Variants in LAMP1 observed in about 807,000 individuals in gnomAD.
LAMP1 encodes the protein lysosome associated membrane protein 1.
A neutral mutation model predicts 37.5 loss-of-function variants in LAMP1; 7 were observed. The observed-to-expected ratio is 0.19, with a 90% CI of 0.11 to 0.35. The LOEUF is 0.35. Among genes scored for constraint, LAMP1 ranks in the 10% least tolerant of loss-of-function variants. The pLI is 1.00. For synonymous variants in LAMP1, 236 were observed against 229.1 expected (o/e 1.03, Z -0.27); for missense variants, 537 against 552.8 (o/e 0.97, Z 0.29).
At chr13:113,314,310 T>G (rs1451354917) in intron 4 of LAMP1, among the ~76,000 whole-genome samples, 2 of 121,262 alleles carry the variant, frequency 1.6e-5, no homozygotes, top group Admixed American at 1.6e-4. Flanking sequence ...GCCTGGGGCG[T>G]GGCCTCCTGG....
At position 113,322,393 on chromosome 13, in the gene LAMP1, G is replaced by A; in HGVS notation, c.1226G>A (p.Arg409Lys). Residue 409 changes from arginine (R) to lysine (K), a missense_variant, in exon 9 of 9, where the codon AGG (arginine) becomes AAG (lysine). Arg to Lys is a conservative substitution (Grantham distance 26). Transcript: ENST00000332556. ...ATCGCCTACCTCGTCGGCAGGAAGA[G>A]GAGTCACGCAGGCTACCAGACTATC... Reference protein sequence around the residue: ...VLIAYLVGRKRSHAGYQTI With the variant: ...VLIAYLVGRKKSHAGYQTI 1 of 1,613,664 alleles carries A rather than the reference G, an allele frequency of 6.2e-7. No individual in the cohort carries two copies. Among genetic ancestry groups the A allele is most frequent in the Non-Finnish European group, 8.5e-7 (1 of 1,179,788 alleles).
In LAMP1 at chr13:113,297,849, G is replaced by A. The variant is rs1198253252; in HGVS notation, c.61+354G>A. 6.6e-6 allele frequency among the ~76,000 whole-genome samples: 1 copy of A among 152,186 alleles called. No homozygotes were observed. Among genetic ancestry groups the A allele is most frequent in the Non-Finnish European group, 1.5e-5 (1 of 68,036 alleles). On this transcript the variant is annotated intron_variant, in intron 1 of 8. Coordinates refer to ENST00000332556, the MANE Select transcript of LAMP1 (RefSeq NM_005561.4). The surrounding 1 kb of genome is among the most constrained non-coding windows in gnomAD (Gnocchi z 4.4). ...GTCGTTAAGTTTCCTGGCAAGTTGA[G>A]GCGGTGAGATCTAGACGAGGCTGCG...
rs754543420 is a variant in LAMP1 at position 113,309,881 on chromosome 13, C to A, written c.403+19C>A. 2.5e-6 allele frequency: 4 copies of A among 1,586,682 alleles called. No homozygotes were observed. In the African/African-American group the frequency reaches 5.4e-5, roughly 21 times the overall value. The stretch of plus-strand genomic sequence containing the variant: ...TCCAAAGGTAAGAACCAAAATGGGC[C>A]GATTATGAAGTGATAGAAAATTGGG... On this transcript the variant is annotated intron_variant, in intron 3 of 8. Transcript: ENST00000332556.
chr13:113,322,431 C>T lies in LAMP1; in HGVS notation c.*10C>T, dbSNP rs779861274. On this transcript the variant is annotated 3_prime_UTR_variant, in exon 9 of 9. Transcript: ENST00000332556. The stretch of plus-strand genomic sequence containing the variant: ...CTACCAGACTATCTAGCCTGGTGCA[C>T]GCAGGCACAGCAGCTGCAGGGGCCT... 5.0e-5 allele frequency: 80 copies of T among 1,600,806 alleles called. No homozygotes were observed. The highest frequency in any genetic ancestry group is 1.7e-4 in the Middle Eastern group (1 of 5,992).
chr13:113,311,434 G>A (rs1239132318), intron 4 of LAMP1, among the ~76,000 whole-genome samples: 3 of 152,238 alleles, frequency 2.0e-5, no homozygotes, highest in African/African-American at 7.2e-5. Context: ...GAAGGGCAAA[G>A]CAGTTGAAAC....
At chr13:113,308,324 CTTT>C (rs71101565) in intron 2 of LAMP1, among the ~76,000 whole-genome samples, 24 of 60,434 alleles carry the variant, frequency 4.0e-4, no homozygotes, top group Non-Finnish European at 5.8e-4. Context: ...CCTCCAAGCA[CTTT>C]TTTTTTTTTT....
intron 2 of LAMP1, among the ~76,000 whole-genome samples, chr13:113,308,579 C>T (rs1024657411): frequency 6.6e-6 from 1 of 152,066 alleles, no homozygotes; most frequent in African/African-American, 2.4e-5. Flanking sequence ...CCCACGTCGG[C>T]CTCCCCAAGT....
chr13:113,316,330 C>T (rs1304805898), intron 4 of LAMP1, among the ~76,000 whole-genome samples: 3 of 151,914 alleles, frequency 2.0e-5, no homozygotes, highest in Admixed American at 6.6e-5. Flanking sequence ...GATAGGTGCA[C>T]GCTTGTTGAA....
At chr13:113,309,444 C>T (rs2042617406) in intron 2 of LAMP1, among the ~76,000 whole-genome samples, 199 bp from the exon 3 acceptor site, 2 of 152,196 alleles carry the variant, frequency 1.3e-5, no homozygotes, top group African/African-American at 2.4e-5. Flanking sequence ...CTTTCTCTTA[C>T]ACCTGAAATA....
At chr13:113,315,171 C>G (rs537198614) in intron 4 of LAMP1, among the ~76,000 whole-genome samples, 1 of 142,414 alleles carries the variant, frequency 7.0e-6, no homozygotes, top group African/African-American at 2.6e-5. Context: ...GTGCCTGGGG[C>G]GTGGCCTCCC....
At chr13:113,300,237 T>C (rs946854308) in intron 1 of LAMP1, among the ~76,000 whole-genome samples, 3 of 152,134 alleles carry the variant, frequency 2.0e-5, no homozygotes, top group African/African-American at 7.2e-5. Context: ...TCTCAGCACT[T>C]TGGGAGGCCC....
intron 4 of LAMP1, among the ~76,000 whole-genome samples, chr13:113,318,721 C>G (rs2042680083): frequency 6.6e-6 from 1 of 152,096 alleles, no homozygotes; most frequent in African/African-American, 2.4e-5. Context: ...ACTGTGCCCT[C>G]TTGTCTGGGG....
At chr13:113,300,977 GACA>G (rs1397286593) in intron 1 of LAMP1, among the ~76,000 whole-genome samples, 37 of 152,104 alleles carry the variant, frequency 2.4e-4, no homozygotes, top group African/African-American at 8.9e-4. Context: ...CCCCATCCCA[GACA>G]ACGTTACCCT....
Position 113,313,925 on chromosome 13 carries a change from G to A in LAMP1, c.562+3058G>A, listed in dbSNP as rs1471936183. Among the ~76,000 whole-genome samples, 3 of 112,742 alleles carry A rather than the reference G, an allele frequency of 2.7e-5. 1 individual carries two copies. Among genetic ancestry groups the A allele is most frequent in the East Asian group, 5.6e-4 (2 of 3,562 alleles). The allele number at this position is 112,742 out of a possible 152,430, so 74.0% of individuals were successfully genotyped here. Reference sequence around the variant, plus strand: ...GTGGAGATGCCGGTGTGCCTGGGGCGTGGCCTCCTAGAGGGAGTCAGTGTG... The same window carrying A: ...GTGGAGATGCCGGTGTGCCTGGGGCATGGCCTCCTAGAGGGAGTCAGTGTG... On this transcript the variant is annotated intron_variant, in intron 4 of 8. Coordinates refer to ENST00000332556, the MANE Select transcript of LAMP1 (RefSeq NM_005561.4).
intron 5 of LAMP1, among the ~76,000 whole-genome samples, chr13:113,319,861 T>A (rs1462287441): frequency 6.6e-6 from 1 of 152,220 alleles, no homozygotes; most frequent in East Asian, 1.9e-4. Context: ...TCCTGCTGGT[T>A]CCATCATCCA....
In LAMP1 at chr13:113,321,914, C is replaced by T; in HGVS notation, c.1114+187C>T. 1.6e-6 allele frequency: 1 copy of T among 623,496 alleles called. No individual in the cohort carries two copies. Among genetic ancestry groups the T allele is most frequent in the East Asian group, 2.8e-5 (1 of 36,156 alleles). 38.6% of individuals were successfully genotyped at this position (623,496 alleles called of 1,614,324 possible). On this transcript the variant is annotated intron_variant, in intron 8 of 8. Transcript: ENST00000332556. This position sits in a 1 kb window ranked among gnomAD's most constrained non-coding sequence, Gnocchi z 5.6. ...TGCTTTAGAGAGGCCCAGCGTGTCT[C>T]TCAGCTGGGAGCCCCTGGTACCATT...
At chr13:113,317,533 T>C (rs1043487090) in intron 4 of LAMP1, among the ~76,000 whole-genome samples, 2 of 152,154 alleles carry the variant, frequency 1.3e-5, no homozygotes, top group Non-Finnish European at 2.9e-5. Flanking sequence ...GCCACATGGA[T>C]CACAGGTGAA....
At chr13:113,303,576 T>C (rs1205689084) in intron 1 of LAMP1, among the ~76,000 whole-genome samples, 2 of 152,042 alleles carry the variant, frequency 1.3e-5, no homozygotes, top group African/African-American at 2.4e-5. Flanking sequence ...TTAAAAAAAC[T>C]TCTGACCCTT....
rs573517945 is a variant in LAMP1, at chr13:113,319,454, C to G, written c.563-15C>G. 4 of 1,591,352 alleles carry G rather than the reference C, an allele frequency of 2.5e-6. No individual in the cohort carries two copies. The African/African-American group carries it at 5.4e-5, about 21-fold the overall frequency. ...GAGAAACCCAGACCTGAATCTCCCTCCACTGCACCTGCAGAGACACGCTGT... is the reference window on the plus strand; with the variant it reads ...GAGAAACCCAGACCTGAATCTCCCTGCACTGCACCTGCAGAGACACGCTGT... On this transcript the variant is annotated splice_polypyrimidine_tract_variant and intron_variant, in intron 4 of 8. Coordinates refer to ENST00000332556, the MANE Select transcript of LAMP1 (RefSeq NM_005561.4).
Sources: allele counts gnomAD v4.1 joint callset (sites outside exome capture counted in the v4.1 genomes callset), GRCh38; gene constraint gnomAD v4.1.1; non-coding constraint Gnocchi (gnomAD v3.1); transcripts MANE v1.5; gene names NCBI Gene and HGNC (gene_info 2026-07-23, HGNC 2026-07-21).